Variants in TRIM44 observed in about 807,000 individuals in gnomAD.
TRIM44 encodes the protein tripartite motif-containing protein 44.
In TRIM44, 13 loss-of-function variants were observed where a neutral mutation model predicts 37.4. That is an observed-to-expected ratio of 0.35 (90% CI 0.23 to 0.55). TRIM44 has a LOEUF of 0.55. TRIM44 is among the 20% of genes least tolerant of loss of function. The pLI, the probability that TRIM44 is intolerant of heterozygous loss-of-function variation, is 0.89. For missense variants in TRIM44, 426 were observed against 437.2 expected (o/e 0.97, Z 0.23); for synonymous variants, 175 against 157.2 (o/e 1.11, Z -0.85).
chr11:35,792,992 A>G (rs1590604968), intron 4 of TRIM44, among the ~76,000 whole-genome samples: 1 of 152,020 alleles, frequency 6.6e-6, no homozygotes, highest in East Asian at 1.9e-4. Context: ...AATGAAACCA[A>G]TATCTGACCC....
In TRIM44 at chr11:35,807,572, G is replaced by GAT. The variant is rs1316583396; in HGVS notation, c.*1188_*1189dup. The GAT allele has an allele frequency of 1.3e-5, 2 of 152,060 alleles. No homozygotes were observed. The highest frequency in any genetic ancestry group is 4.8e-5 in the African/African-American group (2 of 41,396). 9.4% of individuals were successfully genotyped at this position (152,060 alleles called of 1,614,324 possible). On this transcript the variant is annotated 3_prime_UTR_variant, in exon 5 of 5. Coordinates refer to ENST00000299413, the MANE Select transcript of TRIM44 (RefSeq NM_017583.6). The stretch of plus-strand genomic sequence containing the variant: ...AGCTTTGTGCTCCCGAGTAAGCAGG[G>GAT]ATGTACTAGGGGAATGTAAAACTGC...
At chr11:35,738,359 A>C (rs566899835) in intron 4 of TRIM44, among the ~76,000 whole-genome samples, 50 of 148,292 alleles carry the variant, frequency 3.4e-4, no homozygotes, top group Admixed American at 1.1e-3. Flanking sequence ...AAAGGCATAG[A>C]GTTTCTTGTA....
Position 35,814,019 on chromosome 11 carries a change from T to C in TRIM44, c.*7634T>C, listed in dbSNP as rs1853554790. ...ATAAAACTAATAACTAGAATACAGATCAAATTCTGTTACAACAAATACTGC... is the reference window on the plus strand; with the variant it reads ...ATAAAACTAATAACTAGAATACAGACCAAATTCTGTTACAACAAATACTGC... On this transcript the variant is annotated 3_prime_UTR_variant, in exon 5 of 5. Transcript: ENST00000299413. The C allele has an allele frequency of 6.6e-6, 1 of 152,168 alleles. No homozygotes were observed. The highest frequency in any genetic ancestry group is 2.4e-5 in the African/African-American group (1 of 41,434). 9.4% of individuals were successfully genotyped at this position (152,168 alleles called of 1,614,324 possible). A position where few individuals can be genotyped will look rare whatever the true frequency, so the allele number is the denominator to read the frequency against.
chr11:35,677,634 T>C (rs1335402019), intron 1 of TRIM44, among the ~76,000 whole-genome samples: 1 of 152,194 alleles, frequency 6.6e-6, no homozygotes, highest in East Asian at 1.9e-4. Flanking sequence ...TAATTTTATA[T>C]ATTATTCGAA....
At position 35,664,479 on chromosome 11, in the gene TRIM44, A is replaced by G. The variant is rs575070144; in HGVS notation, c.669+699A>G. Reference sequence around the variant, plus strand: ...GATGCACCTTTTATTCATATTGTGGATGTTTACTATCATTGAGAGAAACTG... The same window carrying G: ...GATGCACCTTTTATTCATATTGTGGGTGTTTACTATCATTGAGAGAAACTG... On this transcript the variant is annotated intron_variant, in intron 1 of 4. Coordinates refer to ENST00000299413, the MANE Select transcript of TRIM44 (RefSeq NM_017583.6). Among the ~76,000 whole-genome samples the G allele has an allele frequency of 8.7e-4, 132 of 152,306 alleles. 1 individual carries two copies. Among genetic ancestry groups the G allele is most frequent in the African/African-American group, 3.1e-3 (128 of 41,546 alleles).
chr11:35,754,757 T>C (rs1852609318), intron 4 of TRIM44, among the ~76,000 whole-genome samples: 1 of 151,102 alleles, frequency 6.6e-6, no homozygotes, highest in Admixed American at 6.6e-5. Context: ...ATGCGGTGTT[T>C]GGTTTTTTGT....
intron 2 of TRIM44, among the ~76,000 whole-genome samples, chr11:35,708,926 A>C (rs538587952): frequency 3.6e-4 from 55 of 151,928 alleles, no homozygotes; most frequent in Non-Finnish European, 4.9e-4. Context: ...ATAAAAAATA[A>C]ATAAAAAATG....
At chr11:35,782,734 A>G (rs1853081804) in intron 4 of TRIM44, among the ~76,000 whole-genome samples, 1 of 152,192 alleles carries the variant, frequency 6.6e-6, no homozygotes, top group African/African-American at 2.4e-5. Context: ...CTTCTGTGTC[A>G]TATGCTCAAG....
At chr11:35,676,091 A>G (rs1380312352) in intron 1 of TRIM44, among the ~76,000 whole-genome samples, 1 of 152,200 alleles carries the variant, frequency 6.6e-6, no homozygotes, top group Admixed American at 6.5e-5. Context: ...TACTAGCTGT[A>G]TAATGTTGAG....
At chr11:35,712,088 C>G (rs1460546434) in intron 2 of TRIM44, among the ~76,000 whole-genome samples, 1 of 152,210 alleles carries the variant, frequency 6.6e-6, no homozygotes, top group Non-Finnish European at 1.5e-5. Flanking sequence ...TGTTGGCTCA[C>G]TCACTCTGTG....
chr11:35,801,261 G>T (rs888628240), intron 4 of TRIM44, among the ~76,000 whole-genome samples: 36 of 152,330 alleles, frequency 2.4e-4, no homozygotes, highest in African/African-American at 8.7e-4. Flanking sequence ...AATTTTTGGA[G>T]AATATTAAAT....
In TRIM44 at chr11:35,758,995, A is replaced by G. The variant is rs189633030; in HGVS notation, c.1007+23550A>G. ...TATGTGTCTTGGAGTTGCTCTTCTC[A>G]AGGAGTATCTTTGTGGCATTCTCTG... is the stretch of plus-strand genomic sequence containing the variant. On this transcript the variant is annotated intron_variant, in intron 4 of 4. Transcript: ENST00000299413. Among the ~76,000 whole-genome samples, 390 of 152,142 alleles carry G rather than the reference A, an allele frequency of 2.6e-3. 4 individuals are homozygous for G. The highest frequency in any genetic ancestry group is 8.9e-3 in the African/African-American group (371 of 41,502).
intron 3 of TRIM44, among the ~76,000 whole-genome samples, chr11:35,733,781 T>C (rs1205958970): frequency 2.6e-5 from 4 of 152,134 alleles, no homozygotes; most frequent in African/African-American, 9.7e-5. Flanking sequence ...TCCAACCTTA[T>C]ACCACCCCCA....
chr11:35,706,693 C>T (rs1484490671), intron 2 of TRIM44, among the ~76,000 whole-genome samples: 1 of 151,716 alleles, frequency 6.6e-6, no homozygotes, highest in African/African-American at 2.4e-5. Flanking sequence ...GCAGAAAAGG[C>T]CTTTGACAAA....
intron 2 of TRIM44, among the ~76,000 whole-genome samples, chr11:35,703,484 C>T (rs1253744945): frequency 1.3e-5 from 2 of 152,222 alleles, no homozygotes; most frequent in East Asian, 3.8e-4. Flanking sequence ...CCCCTGACCC[C>T]CGAGCAGCCT....
chr11:35,726,876 C>T (rs1852181817), intron 3 of TRIM44, among the ~76,000 whole-genome samples: 1 of 150,894 alleles, frequency 6.6e-6, no homozygotes, highest in Admixed American at 6.6e-5. Flanking sequence ...AAAAAAAGTA[C>T]AAGCTGGGCT....
chr11:35,783,373 C>T (rs907634205), intron 4 of TRIM44, among the ~76,000 whole-genome samples: 1 of 152,202 alleles, frequency 6.6e-6, no homozygotes, highest in African/African-American at 2.4e-5. Context: ...GCCCTTGAAG[C>T]CACTCTATAC....
intron 4 of TRIM44, among the ~76,000 whole-genome samples, chr11:35,767,737 T>G (rs1274539280): frequency 1.3e-5 from 2 of 152,200 alleles, no homozygotes; most frequent in Non-Finnish European, 2.9e-5. Flanking sequence ...ACATTAACTA[T>G]TTTTTAGTGG....
At chr11:35,692,083 T>C in intron 2 of TRIM44, among the ~76,000 whole-genome samples, 1 of 152,224 alleles carries the variant, frequency 6.6e-6, no homozygotes, top group East Asian at 1.9e-4. Flanking sequence ...ACTATCTGTA[T>C]ATGTTTTCAG....
Sources: gnomAD v4.1 joint callset for allele counts (sites outside exome capture counted in the v4.1 genomes callset) on GRCh38, gnomAD v4.1.1 for gene constraint, MANE v1.5 for transcripts, NCBI Gene and HGNC (gene_info 2026-07-23, HGNC 2026-07-21) for gene names.